GAS2: variants seen among roughly 807,000 people sequenced by gnomAD.
The protein encoded by GAS2 is growth arrest specific 2.
In GAS2, 20 loss-of-function variants were observed where a neutral mutation model predicts 37.5. The observed-to-expected ratio is 0.53, with a 90% CI of 0.37 to 0.77. The LOEUF is 0.77. Among genes scored for constraint, GAS2 ranks in the 30% least tolerant of loss-of-function variants. GAS2 has a pLI of 0.00. For synonymous variants in GAS2, 144 were observed against 132.2 expected, an observed-to-expected ratio of 1.09 and a Z score of -0.61; for missense variants, 336 against 373.4, an observed-to-expected ratio of 0.90 and a Z score of 0.82.
chr11:22,794,856 A>G (rs571533274), intron 7 of GAS2, among the ~76,000 whole-genome samples: 1 of 152,232 alleles, frequency 6.6e-6, no homozygotes, highest in East Asian at 1.9e-4. Flanking sequence ...GGTCTGTCTC[A>G]CAGTGTCACC....
intron 3 of GAS2, among the ~76,000 whole-genome samples, chr11:22,697,805 A>G (rs1240522614): frequency 1.3e-5 from 2 of 152,118 alleles, no homozygotes; most frequent in Non-Finnish European, 2.9e-5. Flanking sequence ...GTATCCTGAG[A>G]CTTTGCTGAA....
chr11:22,643,536 A>T (rs1017420445), intron 1 of GAS2, among the ~76,000 whole-genome samples: 1 of 151,790 alleles, frequency 6.6e-6, no homozygotes, highest in Non-Finnish European at 1.5e-5. Flanking sequence ...ACTACCTATT[A>T]ATACACAGAT....
At chr11:22,741,146 C>T (rs918094628) in intron 5 of GAS2, among the ~76,000 whole-genome samples, 8 of 152,170 alleles carry the variant, frequency 5.3e-5, no homozygotes, top group African/African-American at 1.9e-4. Flanking sequence ...CTGTGGGCTT[C>T]TCTGAGTTCT....
intron 4 of GAS2, among the ~76,000 whole-genome samples, chr11:22,734,268 A>T (rs1170915939): frequency 1.3e-5 from 2 of 151,802 alleles, no homozygotes; most frequent in African/African-American, 4.8e-5. Flanking sequence ...GTCCTAATGC[A>T]ATTGTTACTT....
chr11:22,780,689 C>A (rs985970292), intron 7 of GAS2, among the ~76,000 whole-genome samples: 1 of 151,958 alleles, frequency 6.6e-6, no homozygotes, highest in African/African-American at 2.4e-5. Flanking sequence ...TGACTCTGCT[C>A]CTTGAAGTCC....
intron 1 of GAS2, among the ~76,000 whole-genome samples, chr11:22,641,218 ATG>A (rs1162937201): frequency 1.8e-4 from 26 of 142,190 alleles, no homozygotes; most frequent in African/African-American, 6.4e-4. Context: ...ATATATATAT[ATG>A]TGTGTGTGTA....
chr11:22,727,962 T>C (rs1404993629), intron 4 of GAS2, among the ~76,000 whole-genome samples: 3 of 151,962 alleles, frequency 2.0e-5, no homozygotes, highest in African/African-American at 7.2e-5. Flanking sequence ...AGCCATAAAA[T>C]CAAGTCTTAG....
intron 1 of GAS2, among the ~76,000 whole-genome samples, chr11:22,657,806 C>G (rs1168593679): frequency 6.6e-6 from 1 of 152,134 alleles, no homozygotes; most frequent in Non-Finnish European, 1.5e-5. Context: ...TCTTGGCCCA[C>G]AATCATATAT....
chr11:22,697,427 G>T (rs1245129146), intron 3 of GAS2, among the ~76,000 whole-genome samples: 2 of 152,122 alleles, frequency 1.3e-5, no homozygotes, highest in Non-Finnish European at 2.9e-5. Flanking sequence ...GGCGATGCGG[G>T]CTCTTTTTTG....
chr11:22,696,493 T>C (rs2133996279), intron 3 of GAS2, among the ~76,000 whole-genome samples: 1 of 152,122 alleles, frequency 6.6e-6, no homozygotes, highest in Admixed American at 6.5e-5. Flanking sequence ...GTATTTCTAG[T>C]TCTAGATCCC....
At chr11:22,677,413 G>A (rs995019785) in intron 2 of GAS2, among the ~76,000 whole-genome samples, 4 of 152,062 alleles carry the variant, frequency 2.6e-5, no homozygotes, top group African/African-American at 4.8e-5. Flanking sequence ...AGACATGTTC[G>A]GGCTAGATCA....
intron 1 of GAS2, among the ~76,000 whole-genome samples, chr11:22,641,122 C>T (rs540508839): frequency 2.3e-4 from 34 of 150,140 alleles, no homozygotes; most frequent in East Asian, 2.2e-3. Context: ...AGCAAGCAGT[C>T]GGAAGGACTG....
intron 3 of GAS2, among the ~76,000 whole-genome samples, chr11:22,723,032 G>T (rs539638113): frequency 6.6e-6 from 1 of 151,644 alleles, no homozygotes; most frequent in East Asian, 1.9e-4. Flanking sequence ...TTCTAGTTAC[G>T]TGTGATAGAC....
At chr11:22,690,323 TA>T (rs1304067316) in intron 3 of GAS2, among the ~76,000 whole-genome samples, 1 of 152,210 alleles carries the variant, frequency 6.6e-6, no homozygotes, top group Non-Finnish European at 1.5e-5. Context: ...TTTGGTTTGA[TA>T]AAATACTCTG....
At chr11:22,680,204 T>C (rs951383552) in intron 2 of GAS2, among the ~76,000 whole-genome samples, 6 of 152,106 alleles carry the variant, frequency 3.9e-5, no homozygotes, top group South Asian at 2.1e-4. Context: ...TTAGGACAGA[T>C]GGTATCTTCC....
At chr11:22,685,002 G>A (rs1849870257) in intron 2 of GAS2, among the ~76,000 whole-genome samples, 1 of 152,096 alleles carries the variant, frequency 6.6e-6, no homozygotes, top group South Asian at 2.1e-4. Context: ...TTAAATTAAA[G>A]AAAATTGATC....
At chr11:22,775,070 A>G (rs562119649) in intron 7 of GAS2, among the ~76,000 whole-genome samples, 3 of 152,266 alleles carry the variant, frequency 2.0e-5, no homozygotes, top group East Asian at 3.9e-4. Context: ...GTAGCAAGGG[A>G]GACATGATGC....
At chr11:22,742,589 A>C (rs1308412193) in intron 5 of GAS2, among the ~76,000 whole-genome samples, 5 of 152,124 alleles carry the variant, frequency 3.3e-5, no homozygotes, top group African/African-American at 1.2e-4. Flanking sequence ...AGTATTCAAA[A>C]GCCAATATAA....
At chr11:22,790,749 C>T (rs1215268909) in intron 7 of GAS2, among the ~76,000 whole-genome samples, 1 of 151,998 alleles carries the variant, frequency 6.6e-6, no homozygotes, top group East Asian at 1.9e-4. Context: ...AGGCGTGAGC[C>T]ACCACACCCA....
Sources: allele counts gnomAD v4.1 joint callset (sites outside exome capture counted in the v4.1 genomes callset), GRCh38; gene constraint gnomAD v4.1.1; transcripts MANE v1.5; gene names NCBI Gene and HGNC (gene_info 2026-07-23, HGNC 2026-07-21).